Variants in NTN4 observed in about 807,000 individuals in gnomAD.
NTN4 encodes netrin 4, also known as netrin-4.
A neutral mutation model predicts 73.6 loss-of-function variants in NTN4; 32 were observed. The ratio of observed to expected loss-of-function variants is 0.44; its 90% CI spans 0.33 to 0.58. NTN4 has a LOEUF of 0.58. NTN4 is among the 20% of genes least tolerant of loss of function. The probability of loss-of-function intolerance (pLI) is 0.04; values close to 1 mark genes in which losing one functional copy is unlikely to be tolerated. For synonymous variants in NTN4, 258 were observed against 287.5 expected (o/e 0.90, Z 1.04); for missense variants, 654 against 798.3 (o/e 0.82, Z 2.18).
intron 9 of NTN4, among the ~76,000 whole-genome samples, chr12:95,664,340 G>A (rs2120917663): frequency 6.6e-6 from 1 of 152,142 alleles, no homozygotes; most frequent in African/African-American, 2.4e-5. Context: ...TTACAGGCGT[G>A]AACCACCATG....
In NTN4 at chr12:95,692,856, T is replaced by A. The variant is rs190196838; in HGVS notation, c.1181-9145A>T. 1.1e-4 allele frequency among the ~76,000 whole-genome samples: 16 copies of A among 152,340 alleles called. No homozygotes were observed. In the Middle Eastern group the frequency reaches 0.01, roughly 97 times the overall value. On this transcript the variant is annotated intron_variant, in intron 5 of 9. Transcript: ENST00000343702. ...CAGAACTAGATTCTGGTGATGAGGCTTATTATTTACAAGACTTTGTGAAAT... is the reference window on the plus strand; with the variant it reads ...CAGAACTAGATTCTGGTGATGAGGCATATTATTTACAAGACTTTGTGAAAT...
At chr12:95,693,406 C>T (rs886124375) in intron 5 of NTN4, among the ~76,000 whole-genome samples, 2 of 151,788 alleles carry the variant, frequency 1.3e-5, no homozygotes, top group Non-Finnish European at 2.9e-5. Context: ...AGTTACTCTC[C>T]TGTTATATGT....
intron 7 of NTN4, among the ~76,000 whole-genome samples, chr12:95,676,556 A>G (rs912834731): frequency 6.6e-6 from 1 of 152,246 alleles, no homozygotes; most frequent in Non-Finnish European, 1.5e-5. Context: ...ATAAAGGCCA[A>G]TAGGATCCAG....
At chr12:95,717,895 G>C (rs2078618806) in intron 3 of NTN4, among the ~76,000 whole-genome samples, 1 of 152,140 alleles carries the variant, frequency 6.6e-6, no homozygotes, top group Non-Finnish European at 1.5e-5. Flanking sequence ...GATATTCTAT[G>C]ATTTCCATAA....
intron 3 of NTN4, among the ~76,000 whole-genome samples, chr12:95,729,645 G>A (rs1202608254): frequency 9.3e-5 from 13 of 140,182 alleles, no homozygotes; most frequent in African/African-American, 3.9e-4. Context: ...GTGTGTGTGT[G>A]TGTGTGTGTG....
At chr12:95,670,644 T>C (rs991466715) in intron 7 of NTN4, 2 of 152,278 alleles carry the variant, frequency 1.3e-5, no homozygotes, top group Non-Finnish European at 2.9e-5. Flanking sequence ...TTCAGCACCA[T>C]AAAGATAAGC....
At chr12:95,753,765 T>G (rs1424181777) in intron 2 of NTN4, among the ~76,000 whole-genome samples, 2 of 151,992 alleles carry the variant, frequency 1.3e-5, no homozygotes, top group East Asian at 3.9e-4. Context: ...CTTCTCAGAA[T>G]TCAGGCCTGT....
chr12:95,785,515 TTG>T (rs2121304944), intron 2 of NTN4, among the ~76,000 whole-genome samples: 1 of 152,344 alleles, frequency 6.6e-6, no homozygotes, highest in South Asian at 2.1e-4. Flanking sequence ...CATGTCCTAC[TTG>T]GTTCTGGTGC....
chr12:95,763,056 T>G (rs1298345882), intron 2 of NTN4, among the ~76,000 whole-genome samples: 1 of 152,228 alleles, frequency 6.6e-6, no homozygotes, highest in African/African-American at 2.4e-5. Context: ...TCTGTGACCT[T>G]AAGCCTTTTC....
At chr12:95,783,139 C>T (rs958173214) in intron 2 of NTN4, among the ~76,000 whole-genome samples, 1 of 152,188 alleles carries the variant, frequency 6.6e-6, no homozygotes, top group Non-Finnish European at 1.5e-5. Context: ...ATGCCTAGCC[C>T]CAGGCCTGTC....
chr12:95,695,933 TTTCTC>T (rs997766188), intron 5 of NTN4, among the ~76,000 whole-genome samples: 12 of 149,518 alleles, frequency 8.0e-5, no homozygotes, highest in Admixed American at 2.0e-4. Flanking sequence ...CCTCTTTTCT[TTTCTC>T]TTTTCTTTCT....
intron 2 of NTN4, among the ~76,000 whole-genome samples, chr12:95,766,386 A>G (rs916874428): frequency 1.1e-4 from 16 of 152,236 alleles, no homozygotes; most frequent in Non-Finnish European, 5.9e-5. Flanking sequence ...GAATCTGGAC[A>G]TAAATCCTCT....
Position 95,754,038 on chromosome 12 carries a change from C to T in NTN4, c.586-15894G>A, listed in dbSNP as rs149484406. On this transcript the variant is annotated intron_variant, in intron 2 of 9. Coordinates refer to ENST00000343702, the MANE Select transcript of NTN4 (RefSeq NM_021229.4). ...TCCTGGTGCTATCCCCAAACTGCCA[C>T]ACTTAACTCCTGAAGTAAACAAACA... 5.6e-3 allele frequency among the ~76,000 whole-genome samples: 854 copies of T among 152,310 alleles called. 31 individuals are homozygous for T. The South Asian group carries it at 0.079, about 14-fold the overall frequency.
In NTN4 at chr12:95,702,858, G is replaced by T. The variant is rs201292348; in HGVS notation, c.1180+7583C>A. Among the ~76,000 whole-genome samples the T allele has an allele frequency of 2.1e-3, 260 of 123,420 alleles. 1 individual carries two copies. Among genetic ancestry groups the T allele is most frequent in the South Asian group, 6.4e-3 (23 of 3,582 alleles). The allele number at this position is 123,420 out of a possible 152,430, so 81.0% of individuals were successfully genotyped here. On this transcript the variant is annotated intron_variant, in intron 5 of 9. Coordinates refer to ENST00000343702, the MANE Select transcript of NTN4 (RefSeq NM_021229.4). ...TTTTCAATGGTTTTTTTTTTTTTTG[G>T]TTTTTTTTTTTTTTGAGACATAGTC...
intron 2 of NTN4, among the ~76,000 whole-genome samples, chr12:95,766,415 T>C (rs769040515): frequency 6.6e-6 from 1 of 152,266 alleles, no homozygotes; most frequent in South Asian, 2.1e-4. Flanking sequence ...TTTCTCACTG[T>C]AGATCATTCA....
intron 2 of NTN4, among the ~76,000 whole-genome samples, chr12:95,769,235 A>C (rs1473880308): frequency 2.0e-5 from 3 of 152,124 alleles, no homozygotes; most frequent in Non-Finnish European, 4.4e-5. Flanking sequence ...AAACAGTGAG[A>C]TTGAGCTGGG....
At chr12:95,785,946 G>T (rs2079164460) in intron 2 of NTN4, among the ~76,000 whole-genome samples, 1 of 152,088 alleles carries the variant, frequency 6.6e-6, no homozygotes, top group Non-Finnish European at 1.5e-5. Flanking sequence ...CATCGTCTGA[G>T]GTTTAGCATC....
intron 7 of NTN4, chr12:95,673,089 G>C: frequency 7.5e-7 from 1 of 1,334,748 alleles, no homozygotes; most frequent in Non-Finnish European, 1.1e-6. Context: ...GCGGACTACT[G>C]TCCCCAGGAG....
intron 5 of NTN4, among the ~76,000 whole-genome samples, chr12:95,703,684 G>T (rs1328594673): frequency 6.6e-6 from 1 of 152,162 alleles, no homozygotes; most frequent in African/African-American, 2.4e-5. Flanking sequence ...GAACTCTGCA[G>T]ATCAAACTCT....
Sources: gnomAD v4.1 joint callset for allele counts (sites outside exome capture counted in the v4.1 genomes callset) on GRCh38, gnomAD v4.1.1 for gene constraint, MANE v1.5 for transcripts, NCBI Gene and HGNC (gene_info 2026-07-23, HGNC 2026-07-21) for gene names.